PXDNL: variants seen among roughly 807,000 people sequenced by gnomAD.
PXDNL encodes the protein peroxidasin like.
PXDNL carries 145 observed loss-of-function variants against 150.8 expected under a neutral mutation model. That is an observed-to-expected ratio of 0.96 (90% CI 0.84 to 1.10). The LOEUF is 1.10. Among genes scored for constraint, PXDNL ranks in the 50% least tolerant of loss-of-function variants. PXDNL has a pLI of 0.00. For synonymous variants in PXDNL, 757 were observed against 725.7 expected (o/e 1.04, Z -0.69); for missense variants, 2,087 against 1,873.9 (o/e 1.11, Z -2.10).
At chr8:51,369,531 T>C (rs896057252) in intron 19 of PXDNL, among the ~76,000 whole-genome samples, 1 of 152,178 alleles carries the variant, frequency 6.6e-6, no homozygotes, top group Admixed American at 6.5e-5. Context: ...AAAATACACA[T>C]GTATCCATTT....
intron 1 of PXDNL, among the ~76,000 whole-genome samples, chr8:51,743,912 G>GAAGGAAGGAAGA (rs1441623960): frequency 9.9e-6 from 1 of 101,350 alleles, no homozygotes; most frequent in African/African-American, 3.2e-5. Context: ...AGAGAGAAAG[G>GAAGGAAGGAAGA]AAGGAAGGAA....
At chr8:51,704,202 T>G (rs1816316015) in intron 1 of PXDNL, among the ~76,000 whole-genome samples, 1 of 152,228 alleles carries the variant, frequency 6.6e-6, no homozygotes, top group Non-Finnish European at 1.5e-5. Context: ...CAATATATAT[T>G]TAAGTTTTAT....
intron 3 of PXDNL, among the ~76,000 whole-genome samples, chr8:51,577,975 GAAAGAAAGAAAGAAAGAAAGAAAGAGGA>G (rs1813104021): frequency 9.8e-4 from 90 of 92,254 alleles, no homozygotes; most frequent in Non-Finnish European, 1.4e-3. Flanking sequence ...AAGAAAGAAA[GAAAGAAAGAAAGAAAGAAAGAAAGAGGA>G]AGGAAGGAAG....
At chr8:51,324,776 T>A (rs1158846073) in intron 21 of PXDNL, among the ~76,000 whole-genome samples, 1 of 152,266 alleles carries the variant, frequency 6.6e-6, no homozygotes, top group African/African-American at 2.4e-5. Context: ...AATCTCCATC[T>A]TGTTTCCCTT....
intron 2 of PXDNL, among the ~76,000 whole-genome samples, chr8:51,636,779 A>G (rs1248740563): frequency 6.6e-6 from 1 of 151,708 alleles, no homozygotes; most frequent in East Asian, 1.9e-4. Flanking sequence ...ATGTAATACA[A>G]TCCTTATAAA....
chr8:51,780,883 C>A (rs543710565), intron 1 of PXDNL, among the ~76,000 whole-genome samples: 16 of 151,906 alleles, frequency 1.1e-4, no homozygotes, highest in African/African-American at 3.6e-4. Flanking sequence ...TGGTCTCGAA[C>A]TCCTGACCTC....
At chr8:51,733,580 G>C (rs990227058) in intron 1 of PXDNL, among the ~76,000 whole-genome samples, 14 of 152,042 alleles carry the variant, frequency 9.2e-5, no homozygotes, top group Non-Finnish European at 1.6e-4. Flanking sequence ...GGCTGAGGTG[G>C]GCAGATCACT....
intron 1 of PXDNL, among the ~76,000 whole-genome samples, chr8:51,802,945 A>G (rs1201989591): frequency 6.6e-6 from 1 of 152,254 alleles, no homozygotes; most frequent in Non-Finnish European, 1.5e-5. Context: ...GAATAAAACA[A>G]AACTTTATAA....
intron 1 of PXDNL, among the ~76,000 whole-genome samples, chr8:51,779,856 G>C (rs1322957693): frequency 1.3e-5 from 2 of 152,154 alleles, no homozygotes; most frequent in African/African-American, 4.8e-5. Context: ...GGCATCTCAA[G>C]CCTGGCTTTT....
intron 3 of PXDNL, among the ~76,000 whole-genome samples, chr8:51,585,863 C>A (rs1310385393): frequency 1.3e-5 from 2 of 151,586 alleles, no homozygotes; most frequent in African/African-American, 2.4e-5. Flanking sequence ...GCCACCCACC[C>A]CTTGTGGCTC....
intron 3 of PXDNL, among the ~76,000 whole-genome samples, chr8:51,572,115 C>G (rs753238947): frequency 5.9e-5 from 9 of 151,662 alleles, no homozygotes; most frequent in Non-Finnish European, 8.9e-5. Flanking sequence ...ATGGGTTTAT[C>G]AGGACATAAC....
At chr8:51,656,549 G>T (rs1475389832) in intron 1 of PXDNL, among the ~76,000 whole-genome samples, 3 of 151,938 alleles carry the variant, frequency 2.0e-5, no homozygotes, top group Non-Finnish European at 4.4e-5. Flanking sequence ...TTATAGAAAG[G>T]GCTCTCCTCT....
chr8:51,566,556 T>A (rs1305812818), intron 3 of PXDNL, among the ~76,000 whole-genome samples: 1 of 151,818 alleles, frequency 6.6e-6, no homozygotes, highest in Non-Finnish European at 1.5e-5. Context: ...TTTATCTAAG[T>A]TACCAAATTT....
chr8:51,603,775 GT>G (rs1223137011), intron 2 of PXDNL, among the ~76,000 whole-genome samples: 1 of 152,084 alleles, frequency 6.6e-6, no homozygotes, highest in African/African-American at 2.4e-5. Context: ...TTCTTTTAGA[GT>G]TTTGCCCTTA....
At chr8:51,445,415 C>T (rs1198327284) in intron 12 of PXDNL, among the ~76,000 whole-genome samples, 1 of 152,182 alleles carries the variant, frequency 6.6e-6, no homozygotes, top group Non-Finnish European at 1.5e-5. Flanking sequence ...CACTTGTTTG[C>T]TTCCATATTC....
intron 5 of PXDNL, among the ~76,000 whole-genome samples, chr8:51,494,464 A>G (rs1585522932): frequency 1.3e-5 from 2 of 152,194 alleles, no homozygotes; most frequent in Non-Finnish European, 2.9e-5. Flanking sequence ...TAAATGCTCC[A>G]ATTAAAAGAC....
intron 2 of PXDNL, among the ~76,000 whole-genome samples, chr8:51,607,310 A>C (rs1023561914): frequency 2.0e-5 from 3 of 152,118 alleles, no homozygotes; most frequent in Non-Finnish European, 2.9e-5. Flanking sequence ...TTGAGAGTTA[A>C]TTGGCACTAA....
chr8:51,546,539 T>C (rs983223894), intron 4 of PXDNL, among the ~76,000 whole-genome samples: 6 of 152,070 alleles, frequency 3.9e-5, no homozygotes, highest in Non-Finnish European at 5.9e-5. Context: ...GCTAGCAGAA[T>C]TGGGGAGGGG....
chr8:51,758,847 T>TA (rs1266155744), intron 1 of PXDNL, among the ~76,000 whole-genome samples: 3 of 152,208 alleles, frequency 2.0e-5, no homozygotes, highest in African/African-American at 7.2e-5. Context: ...TACAGCCAGT[T>TA]AATGTGCTTG....
Sources: gnomAD v4.1 joint callset for allele counts (sites outside exome capture counted in the v4.1 genomes callset) on GRCh38, gnomAD v4.1.1 for gene constraint, MANE v1.5 for transcripts, NCBI Gene and HGNC (gene_info 2026-07-23, HGNC 2026-07-21) for gene names.